PTPRT: variants seen among roughly 807,000 people sequenced by gnomAD.
PTPRT encodes the protein protein tyrosine phosphatase receptor type T, also known as receptor-type tyrosine-protein phosphatase T.
PTPRT carries 56 observed loss-of-function variants against 176.8 expected under a neutral mutation model. That is an observed-to-expected ratio of 0.32 (90% CI 0.26 to 0.40). PTPRT has a LOEUF of 0.40. Ranked by LOEUF, PTPRT falls within the 10% of genes least tolerant of loss-of-function variation. The pLI is 1.00. For missense variants in PTPRT, 1,540 were observed against 1,908.2 expected, an observed-to-expected ratio of 0.81 and a Z score of 3.60; for synonymous variants, 783 against 739.0, an observed-to-expected ratio of 1.06 and a Z score of -0.96.
At chr20:42,372,648 A>C (rs1387461160) in intron 9 of PTPRT, among the ~76,000 whole-genome samples, 1 of 152,118 alleles carries the variant, frequency 6.6e-6, no homozygotes, top group Non-Finnish European at 1.5e-5. Flanking sequence ...CTAAAGTTTG[A>C]AAGTCCCCCC....
chr20:42,701,705 G>A (rs1040822729), intron 6 of PTPRT, among the ~76,000 whole-genome samples: 5 of 152,078 alleles, frequency 3.3e-5, no homozygotes, highest in Non-Finnish European at 7.4e-5. Flanking sequence ...CTGGATGTCC[G>A]CAATTGGAGA....
At chr20:43,063,992 A>G (rs1391338493) in intron 1 of PTPRT, among the ~76,000 whole-genome samples, 2 of 151,938 alleles carry the variant, frequency 1.3e-5, no homozygotes, top group Non-Finnish European at 2.9e-5. Context: ...CTTTCCTTAT[A>G]TTTACCCGTG....
chr20:42,898,897 G>A (rs2079350884), intron 1 of PTPRT, among the ~76,000 whole-genome samples: 1 of 152,172 alleles, frequency 6.6e-6, no homozygotes, highest in Admixed American at 6.5e-5. Flanking sequence ...GTCACCTTCA[G>A]TTGAAACGAG....
rs192637947 is a variant in PTPRT, at chr20:42,329,970, T to C, written c.1866-13974A>G. 4.6e-3 allele frequency among the ~76,000 whole-genome samples: 700 copies of C among 152,362 alleles called. 13 individuals carry two copies. In the South Asian group the frequency reaches 0.051, roughly 11 times the overall value. ...AATAGCTGTAGTATCATATTTTTAA[T>C]TGATGGATGGATTTATCCACATGAA... is the stretch of plus-strand genomic sequence containing the variant. On this transcript the variant is annotated intron_variant, in intron 11 of 30. Transcript: ENST00000373187.
At chr20:42,804,578 C>T (rs150949052) in intron 2 of PTPRT, among the ~76,000 whole-genome samples, 103 of 152,320 alleles carry the variant, frequency 6.8e-4, no homozygotes, top group African/African-American at 2.3e-3. Context: ...TCCCTGAAGC[C>T]GCCATAACAA....
At chr20:42,987,111 C>A (rs1600624558) in intron 1 of PTPRT, among the ~76,000 whole-genome samples, 1 of 152,114 alleles carries the variant, frequency 6.6e-6, no homozygotes, top group Non-Finnish European at 1.5e-5. Flanking sequence ...CCCCCACATC[C>A]ACCCCTCCCT....
At chr20:42,381,116 C>T (rs1482746949) in intron 9 of PTPRT, among the ~76,000 whole-genome samples, 1 of 152,206 alleles carries the variant, frequency 6.6e-6, no homozygotes, top group Non-Finnish European at 1.5e-5. Flanking sequence ...AAACTGCCCC[C>T]ATGATCCAAT....
intron 7 of PTPRT, among the ~76,000 whole-genome samples, chr20:42,530,936 G>A (rs1306296128): frequency 6.6e-6 from 1 of 152,206 alleles, no homozygotes; most frequent in Non-Finnish European, 1.5e-5. Context: ...CCAGCACAGT[G>A]TTCCACACCT....
intron 1 of PTPRT, among the ~76,000 whole-genome samples, chr20:43,187,355 A>G (rs2015419401): frequency 2.0e-5 from 3 of 152,250 alleles, no homozygotes; most frequent in Admixed American, 2.0e-4. Flanking sequence ...TCATATTTAT[A>G]CTAGATTTGA....
chr20:42,995,956 C>T (rs1568724064), intron 1 of PTPRT, among the ~76,000 whole-genome samples: 1 of 152,112 alleles, frequency 6.6e-6, no homozygotes, highest in Non-Finnish European at 1.5e-5. Context: ...GCTAGGACTA[C>T]AGGCATATGT....
chr20:42,430,801 T>A (rs2145800618), intron 9 of PTPRT, among the ~76,000 whole-genome samples: 1 of 152,308 alleles, frequency 6.6e-6, no homozygotes, highest in African/African-American at 2.4e-5. Flanking sequence ...GATACGCTTT[T>A]CACACATCAG....
intron 13 of PTPRT, among the ~76,000 whole-genome samples, chr20:42,275,131 A>G (rs973645628): frequency 1.3e-5 from 2 of 152,368 alleles, no homozygotes; most frequent in East Asian, 3.9e-4. Flanking sequence ...TTCTGTCATC[A>G]CACTGAAACC....
At chr20:42,257,342 A>C (rs1264170013) in intron 13 of PTPRT, among the ~76,000 whole-genome samples, 1 of 152,206 alleles carries the variant, frequency 6.6e-6, no homozygotes, top group Non-Finnish European at 1.5e-5. Context: ...GCAAAGTGCT[A>C]ACAATGAACA....
At chr20:42,145,523 T>TAGATAGATAGAC (rs1193109530) in intron 17 of PTPRT, among the ~76,000 whole-genome samples, 1 of 151,864 alleles carries the variant, frequency 6.6e-6, no homozygotes, top group African/African-American at 2.4e-5. Context: ...GATAGATAGA[T>TAGATAGATAGAC]AGATAGATAG....
At chr20:42,899,554 C>G (rs920763075) in intron 1 of PTPRT, among the ~76,000 whole-genome samples, 3 of 152,176 alleles carry the variant, frequency 2.0e-5, no homozygotes, top group Non-Finnish European at 4.4e-5. Context: ...TTATGCTTGA[C>G]GAGGCTGTTT....
rs2056501053 is a variant in PTPRT, at chr20:42,248,830, G to A, written c.2177-8C>T. The A allele has an allele frequency of 2.4e-5, 39 of 1,613,378 alleles. No individual in the cohort carries two copies. Among genetic ancestry groups the A allele is most frequent in the Non-Finnish European group, 3.3e-5 (39 of 1,179,386 alleles). ...AATTCTGGGTGGAGGCACCTAGGAA[G>A]GGAAAGGGAAGGATAGCAATGTTGA... is the stretch of plus-strand genomic sequence containing the variant. On this transcript the variant is annotated splice_region_variant and splice_polypyrimidine_tract_variant and intron_variant, in intron 13 of 30. Transcript: ENST00000373187.
rs73909270 is a variant in PTPRT at position 42,312,336 on chromosome 20, A to C, written c.2139+3387T>G. 3.3e-3 allele frequency among the ~76,000 whole-genome samples: 509 copies of C among 152,268 alleles called. 3 individuals are homozygous for C. The highest frequency in any genetic ancestry group is 0.011 in the African/African-American group (468 of 41,560). On this transcript the variant is annotated intron_variant, in intron 12 of 30. Coordinates refer to ENST00000373187, the MANE Select transcript of PTPRT (RefSeq NM_007050.6). Reference sequence around the variant, plus strand: ...TGATAAAGAATTTGTGGATTATAACACTTTCTCCTCAAAAATCCTCCAGGC... The same window carrying C: ...TGATAAAGAATTTGTGGATTATAACCCTTTCTCCTCAAAAATCCTCCAGGC...
At position 42,301,528 on chromosome 20, in the gene PTPRT, T is replaced by C. The variant is rs142180935; in HGVS notation, c.2139+14195A>G. On this transcript the variant is annotated intron_variant, in intron 12 of 30. Coordinates refer to ENST00000373187, the MANE Select transcript of PTPRT (RefSeq NM_007050.6). ...CTGAGACAATTGGCAAAACTGAGGC[T>C]AGTAGTATTATGTGGACATTAATTT... is the stretch of plus-strand genomic sequence containing the variant. Among the ~76,000 whole-genome samples the C allele has an allele frequency of 3.1e-3, 467 of 152,300 alleles. 13 individuals are homozygous for C. The highest frequency in any genetic ancestry group is 0.023 in the Admixed American group (356 of 15,296).
intron 7 of PTPRT, among the ~76,000 whole-genome samples, chr20:42,600,294 A>G (rs951747987): frequency 1.3e-5 from 2 of 151,784 alleles, no homozygotes; most frequent in Admixed American, 6.6e-5. Context: ...TGTGCGCCAT[A>G]AAGTCTGGCT....
Sources: allele counts gnomAD v4.1 joint callset (sites outside exome capture counted in the v4.1 genomes callset), GRCh38; gene constraint gnomAD v4.1.1; transcripts MANE v1.5; gene names NCBI Gene and HGNC (gene_info 2026-07-23, HGNC 2026-07-21).